PDCD1LG2: variants seen among roughly 807,000 people sequenced by gnomAD.
PDCD1LG2 encodes programmed cell death 1 ligand 2.
In PDCD1LG2, 32 loss-of-function variants were observed where a neutral mutation model predicts 28.2. The ratio of observed to expected loss-of-function variants is 1.13; its 90% CI spans 0.86 to 1.52. The LOEUF (loss-of-function observed/expected upper bound fraction) is 1.52. Among genes scored for constraint, PDCD1LG2 ranks in the 40% most tolerant of loss-of-function variants. The pLI is 0.00. For missense variants in PDCD1LG2, 385 were observed against 323.8 expected (o/e 1.19, Z -1.45); for synonymous variants, 116 against 120.2 (o/e 0.97, Z 0.23).
chr9:5,536,990 TTAAA>T, intron 3 of PDCD1LG2, among the ~76,000 whole-genome samples: 1 of 152,298 alleles, frequency 6.6e-6, no homozygotes, highest in Non-Finnish European at 1.5e-5. Flanking sequence ...CTCTATAGTG[TTAAA>T]TAAAAGAATG....
intron 2 of PDCD1LG2, among the ~76,000 whole-genome samples, chr9:5,526,857 T>C (rs566202087): frequency 6.6e-6 from 1 of 152,338 alleles, no homozygotes; most frequent in African/African-American, 2.4e-5. Context: ...ATCCTGCATT[T>C]TTAAGGAGAT....
At chr9:5,563,822 T>C (rs1405623948) in intron 6 of PDCD1LG2, among the ~76,000 whole-genome samples, 4 of 152,212 alleles carry the variant, frequency 2.6e-5, no homozygotes, top group African/African-American at 9.6e-5. Context: ...CCTTACAGTC[T>C]TGAGGCAGAA....
At position 5,534,725 on chromosome 9, in the gene PDCD1LG2, A is replaced by G. The variant is rs779420690; in HGVS notation, c.56-20A>G. The G allele has an allele frequency of 6.4e-7, 1 of 1,570,612 alleles. No individual in the cohort carries two copies. The highest frequency in any genetic ancestry group is 1.4e-5 in the African/African-American group (1 of 73,866). Reference sequence around the variant, plus strand: ...TAAAGTAAAGGCAGACAATGACAAAATATCTTGTTTTCTTTTCAGCTTTAT... The same window carrying G: ...TAAAGTAAAGGCAGACAATGACAAAGTATCTTGTTTTCTTTTCAGCTTTAT... On this transcript the variant is annotated intron_variant, in intron 2 of 6. Coordinates refer to ENST00000397747, the MANE Select transcript of PDCD1LG2 (RefSeq NM_025239.4).
intron 5 of PDCD1LG2, 93 bp downstream of exon 5, chr9:5,557,845 A>G (rs1816477920): frequency 2.0e-6 from 3 of 1,468,564 alleles, no homozygotes; most frequent in Non-Finnish European, 2.8e-6. Context: ...TGCTGCTTTC[A>G]TGCTAAACCC....
intron 3 of PDCD1LG2, among the ~76,000 whole-genome samples, chr9:5,543,432 G>A (rs1051050630): frequency 1.3e-5 from 2 of 151,938 alleles, no homozygotes; most frequent in East Asian, 1.9e-4. Flanking sequence ...GCAGCTACTC[G>A]GGAGGCTGAG....
intron 5 of PDCD1LG2, among the ~76,000 whole-genome samples, chr9:5,562,258 G>A (rs1454460070): frequency 6.6e-6 from 1 of 152,252 alleles, no homozygotes; most frequent in East Asian, 1.9e-4. Context: ...TGACGAATAA[G>A]TGGATAAAGA....
rs1269196723 is a variant in PDCD1LG2 at position 5,560,558 on chromosome 9, A to G, written c.767-2604A>G. Reference sequence around the variant, plus strand: ...CCCAAAGCAGGACCCCTATGGGTTGATGAGGTAGGAGGAGGTCCCTGCCTT... The same window carrying G: ...CCCAAAGCAGGACCCCTATGGGTTGGTGAGGTAGGAGGAGGTCCCTGCCTT... On this transcript the variant is annotated intron_variant, in intron 5 of 6. Coordinates refer to ENST00000397747, the MANE Select transcript of PDCD1LG2 (RefSeq NM_025239.4). Among the ~76,000 whole-genome samples the G allele has an allele frequency of 3.3e-5, 5 of 152,192 alleles. No individual in the cohort carries two copies. In the East Asian group the frequency reaches 7.7e-4, roughly 23 times the overall value.
intron 1 of PDCD1LG2, among the ~76,000 whole-genome samples, chr9:5,513,328 C>T (rs1195670670): frequency 2.0e-5 from 3 of 152,274 alleles, no homozygotes; most frequent in Non-Finnish European, 2.9e-5. Flanking sequence ...CCTACCAGTG[C>T]TTCAAAGGCC....
chr9:5,544,739 G>A (rs1014876462), intron 3 of PDCD1LG2, among the ~76,000 whole-genome samples: 2 of 135,476 alleles, frequency 1.5e-5, no homozygotes, highest in African/African-American at 5.8e-5. Flanking sequence ...GCTGGCTGAT[G>A]GCCTCAGTCA....
intron 5 of PDCD1LG2, among the ~76,000 whole-genome samples, chr9:5,559,166 T>C (rs1163278056): frequency 6.6e-6 from 1 of 152,208 alleles, no homozygotes; most frequent in Admixed American, 6.5e-5. Flanking sequence ...CCTCTCCTCA[T>C]CCTTCACCCC....
chr9:5,557,502 G>A, intron 4 of PDCD1LG2, 116 bp from the exon 5 acceptor site: 1 of 1,194,456 alleles, frequency 8.4e-7, no homozygotes, highest in Non-Finnish European at 1.2e-6. Flanking sequence ...GGCCTGGTGT[G>A]GAGTAAATGC....
rs1191746043 is a variant in PDCD1LG2, at chr9:5,557,679, C to A, written c.693C>A (p.Ile231=). 1 of 1,613,574 alleles carries A rather than the reference C, an allele frequency of 6.2e-7. No individual in the cohort carries two copies. Among genetic ancestry groups the A allele is most frequent in the East Asian group, 2.2e-5 (1 of 44,876 alleles). The part of the protein sequence containing the change: ...WLLHIFIPFC[I]IAFIFIATVI... ...TTCACATTTTCATCCCCTTCTGCAT[C>A]ATTGCTTTCATTTTCATAGCCACAG... is the stretch of plus-strand genomic sequence containing the variant. Residue 231 remains isoleucine (I), a synonymous_variant, in exon 5 of 7, where the codon ATC becomes ATA. Transcript: ENST00000397747.
At chr9:5,539,816 C>A (rs1297309749) in intron 3 of PDCD1LG2, among the ~76,000 whole-genome samples, 1 of 152,134 alleles carries the variant, frequency 6.6e-6, no homozygotes, top group African/African-American at 2.4e-5. Flanking sequence ...AGAGCCAACA[C>A]CAGGAATGGG....
intron 3 of PDCD1LG2, among the ~76,000 whole-genome samples, chr9:5,545,661 A>G (rs1816188969): frequency 6.6e-6 from 1 of 152,256 alleles, no homozygotes; most frequent in Non-Finnish European, 1.5e-5. Context: ...TAGGAGAACC[A>G]GTCAAATCCA....
At chr9:5,552,203 C>T (rs528730815) in intron 4 of PDCD1LG2, among the ~76,000 whole-genome samples, 1 of 152,268 alleles carries the variant, frequency 6.6e-6, no homozygotes, top group East Asian at 1.9e-4. Context: ...CATACTCTTC[C>T]TTGTCTCCAT....
At chr9:5,545,243 C>A (rs1816166985) in intron 3 of PDCD1LG2, among the ~76,000 whole-genome samples, 1 of 152,204 alleles carries the variant, frequency 6.6e-6, no homozygotes, top group African/African-American at 2.4e-5. Context: ...ATATAACTAG[C>A]CCTTGGCTAA....
At chr9:5,525,365 A>G (rs1274171100) in intron 2 of PDCD1LG2, among the ~76,000 whole-genome samples, 1 of 151,718 alleles carries the variant, frequency 6.6e-6, no homozygotes, top group Non-Finnish European at 1.5e-5. Flanking sequence ...AAAAGAAAAA[A>G]AAACACTTAT....
chr9:5,536,399 C>T (rs1301858785), intron 3 of PDCD1LG2, among the ~76,000 whole-genome samples: 1 of 152,162 alleles, frequency 6.6e-6, no homozygotes, highest in East Asian at 1.9e-4. Context: ...AATGAGTCAC[C>T]AGGAAAGCCA....
At chr9:5,539,636 C>T (rs1290530883) in intron 3 of PDCD1LG2, among the ~76,000 whole-genome samples, 1 of 152,176 alleles carries the variant, frequency 6.6e-6, no homozygotes, top group African/African-American at 2.4e-5. Flanking sequence ...GGGGCGGGAG[C>T]ATGGCCAAAG....
Sources: allele counts gnomAD v4.1 joint callset (sites outside exome capture counted in the v4.1 genomes callset), GRCh38; gene constraint gnomAD v4.1.1; transcripts MANE v1.5; gene names NCBI Gene and HGNC (gene_info 2026-07-23, HGNC 2026-07-21).